The following HCRTR2 variants were observed in gnomAD, a reference collection of about 807,000 sequenced individuals.
HCRTR2 encodes the protein hypocretin receptor 2, also known as orexin receptor type 2.
In HCRTR2, 22 loss-of-function variants were observed where a neutral mutation model predicts 49.0. The observed-to-expected ratio is 0.45, with a 90% CI of 0.32 to 0.64. The LOEUF (loss-of-function observed/expected upper bound fraction) is 0.64. Ranked by LOEUF, HCRTR2 falls within the 30% of genes least tolerant of loss-of-function variation. The pLI is 0.04. For missense variants in HCRTR2, 491 were observed against 559.4 expected, an observed-to-expected ratio of 0.88 and a Z score of 1.23; for synonymous variants, 236 against 205.3, an observed-to-expected ratio of 1.15 and a Z score of -1.28.
At chr6:55,250,368 A>G (rs557523207) in intron 2 of HCRTR2, among the ~76,000 whole-genome samples, 16 of 152,242 alleles carry the variant, frequency 1.1e-4, no homozygotes, top group Admixed American at 7.9e-4. Context: ...CATTTCAGAT[A>G]ATTCTAATAT....
rs547584092 is a variant in HCRTR2 at position 55,110,177 on chromosome 6, C to T, written c.-378+3632C>T. Among the ~76,000 whole-genome samples the T allele has an allele frequency of 7.9e-5, 12 of 152,130 alleles. 3 individuals are homozygous for T. Among genetic ancestry groups the T allele is most frequent in the African/African-American group, 2.4e-4 (10 of 41,526 alleles). On this transcript the variant is annotated intron_variant, in intron 1 of 7. Transcript: ENST00000615358. The stretch of plus-strand genomic sequence containing the variant: ...CAGACTAATAAATGCTGAGAGAATT[C>T]GCCACTATCAAGCCAGCACTACAAG...
intron 1 of HCRTR2, among the ~76,000 whole-genome samples, chr6:55,215,039 C>T (rs771758286): frequency 5.3e-5 from 8 of 151,922 alleles, no homozygotes; most frequent in Non-Finnish European, 8.8e-5. Context: ...GACCCAAAAC[C>T]TCCCAATTAT....
chr6:55,251,389 C>T (rs969181759), intron 2 of HCRTR2, among the ~76,000 whole-genome samples: 1 of 152,040 alleles, frequency 6.6e-6, no homozygotes, highest in Non-Finnish European at 1.5e-5. Flanking sequence ...ATTAAAATGA[C>T]TCTTTTGTAT....
At chr6:55,108,570 C>G (rs1561973460) in intron 1 of HCRTR2, among the ~76,000 whole-genome samples, 1 of 151,528 alleles carries the variant, frequency 6.6e-6, no homozygotes, top group African/African-American at 2.4e-5. Context: ...AAGGATTTAA[C>G]CTTACCTAGA....
At chr6:55,149,052 G>A (rs1217788116) in intron 1 of HCRTR2, among the ~76,000 whole-genome samples, 6 of 151,728 alleles carry the variant, frequency 4.0e-5, no homozygotes, top group Non-Finnish European at 8.8e-5. Flanking sequence ...TAACCTTAAG[G>A]CAATTGTCTA....
chr6:55,179,548 C>G (rs991553341), intron 1 of HCRTR2, among the ~76,000 whole-genome samples: 1 of 152,062 alleles, frequency 6.6e-6, no homozygotes, highest in Non-Finnish European at 1.5e-5. Context: ...TCATAGATAA[C>G]AGCAACATTT....
intron 4 of HCRTR2, among the ~76,000 whole-genome samples, chr6:55,269,463 G>A (rs1203272106): frequency 2.0e-5 from 3 of 151,966 alleles, no homozygotes; most frequent in East Asian, 1.9e-4. Context: ...AAATCCTAAC[G>A]AATTATTTTG....
chr6:55,249,255 G>A (rs1766504476), intron 2 of HCRTR2, among the ~76,000 whole-genome samples: 1 of 152,046 alleles, frequency 6.6e-6, no homozygotes, highest in African/African-American at 2.4e-5. Context: ...ACCAATTAAT[G>A]ATCTGCCAGT....
chr6:55,191,802 C>A (rs904354103), intron 1 of HCRTR2, among the ~76,000 whole-genome samples: 1 of 151,928 alleles, frequency 6.6e-6, no homozygotes. Flanking sequence ...TATCCTTAAT[C>A]CTCTATATAG....
At chr6:55,257,777 G>A (rs1444414662) in intron 3 of HCRTR2, among the ~76,000 whole-genome samples, 1 of 151,636 alleles carries the variant, frequency 6.6e-6, no homozygotes, top group Non-Finnish European at 1.5e-5. Flanking sequence ...TTAGCCTTCA[G>A]AAGTCATTTA....
chr6:55,196,348 A>C (rs1401599854), intron 1 of HCRTR2, among the ~76,000 whole-genome samples: 1 of 152,214 alleles, frequency 6.6e-6, no homozygotes, highest in Non-Finnish European at 1.5e-5. Flanking sequence ...TGCACAAGGA[A>C]GTATCGGAGC....
chr6:55,139,261 G>A (rs1302132782), intron 1 of HCRTR2, among the ~76,000 whole-genome samples: 1 of 152,104 alleles, frequency 6.6e-6, no homozygotes, highest in African/African-American at 2.4e-5. Flanking sequence ...TGGGAATAGG[G>A]GAAACGTATG....
chr6:55,111,429 G>A (rs554277615), intron 1 of HCRTR2, among the ~76,000 whole-genome samples: 16 of 151,830 alleles, frequency 1.1e-4, no homozygotes, highest in South Asian at 6.2e-4. Context: ...TAACTGAAGA[G>A]AGACGATCCA....
intron 1 of HCRTR2, among the ~76,000 whole-genome samples, chr6:55,110,218 T>C (rs952335001): frequency 3.3e-5 from 5 of 151,990 alleles, no homozygotes; most frequent in African/African-American, 9.7e-5. Context: ...CTAAAAGAAG[T>C]TCTAAATCCT....
downstream of HCRTR2, among the ~76,000 whole-genome samples, chr6:55,284,628 A>C (rs975844070): frequency 6.6e-6 from 1 of 152,130 alleles, no homozygotes; most frequent in South Asian, 2.1e-4. Flanking sequence ...CTGAAAGAAG[A>C]AGCTGAGTAT....
At chr6:55,143,996 T>A (rs112423353) in intron 1 of HCRTR2, among the ~76,000 whole-genome samples, 4,651 of 152,098 alleles carry the variant, frequency 0.031, 101 homozygotes, top group Middle Eastern at 0.068. Flanking sequence ...TAGTCATGAA[T>A]CATGTTTGGG....
chr6:55,188,664 A>G (rs1021080667), intron 1 of HCRTR2, among the ~76,000 whole-genome samples: 1 of 152,218 alleles, frequency 6.6e-6, no homozygotes, highest in African/African-American at 2.4e-5. Context: ...AATCTGTTCT[A>G]TTACATTCTG....
intron 1 of HCRTR2, among the ~76,000 whole-genome samples, chr6:55,109,188 A>G (rs1295066094): frequency 1.3e-5 from 2 of 152,186 alleles, no homozygotes; most frequent in East Asian, 3.9e-4. Flanking sequence ...TCCTAGGGGA[A>G]GAGGGAGAGC....
chr6:55,169,871 C>G (rs969498845), upstream of HCRTR2, among the ~76,000 whole-genome samples: 7 of 151,796 alleles, frequency 4.6e-5, no homozygotes, highest in African/African-American at 1.7e-4. Context: ...CTTATTAATC[C>G]TTATACCCCA....
Sources: allele counts gnomAD v4.1 joint callset (sites outside exome capture counted in the v4.1 genomes callset), GRCh38; gene constraint gnomAD v4.1.1; transcripts MANE v1.5; gene names NCBI Gene and HGNC (gene_info 2026-07-23, HGNC 2026-07-21).